The following EPB41L1 variants were observed in gnomAD, a reference collection of about 807,000 sequenced individuals.
EPB41L1 encodes the protein erythrocyte membrane protein band 4.1 like 1, also known as band 4.1-like protein 1.
In EPB41L1, 29 loss-of-function variants were observed where a neutral mutation model predicts 97.8. The observed-to-expected ratio is 0.30, with a 90% CI of 0.22 to 0.40. EPB41L1 has a LOEUF of 0.40. EPB41L1 is among the 10% of genes least tolerant of loss of function. The pLI is 1.00. For missense variants in EPB41L1, 812 were observed against 1,162.3 expected (o/e 0.70, Z 4.38); for synonymous variants, 383 against 459.2 (o/e 0.83, Z 2.12).
At chr20:36,102,449 C>T (rs1269648294) in intron 1 of EPB41L1, among the ~76,000 whole-genome samples, 2 of 152,186 alleles carry the variant, frequency 1.3e-5, no homozygotes, top group African/African-American at 2.4e-5. Context: ...GCTGGTCTCT[C>T]ATGCCTCTCA....
intron 2 of EPB41L1, among the ~76,000 whole-genome samples, chr20:36,134,789 T>G (rs1341887616): frequency 6.6e-6 from 1 of 151,792 alleles, no homozygotes; most frequent in East Asian, 1.9e-4. Flanking sequence ...CACGTCTGTC[T>G]GTGGGAGTCT....
chr20:36,123,916 A>G (rs17362569), intron 2 of EPB41L1, among the ~76,000 whole-genome samples: 4,787 of 152,242 alleles, frequency 0.031, 128 homozygotes, highest in South Asian at 0.15. Flanking sequence ...CTATATTCCC[A>G]AGTCTCCTTT....
At chr20:36,199,425 T>C (rs2062374536) in intron 14 of EPB41L1, among the ~76,000 whole-genome samples, 1 of 152,184 alleles carries the variant, frequency 6.6e-6, no homozygotes, top group African/African-American at 2.4e-5. Context: ...GCTTTGAAAA[T>C]TGGTGATGCA....
chr20:36,165,719 G>A (rs1020498698), intron 1 of EPB41L1, among the ~76,000 whole-genome samples: 11 of 152,172 alleles, frequency 7.2e-5, no homozygotes, highest in Admixed American at 6.6e-4. Context: ...AAAGAAAGAG[G>A]AAGTGACCTG....
At chr20:36,147,077 A>G (rs1278232665) in intron 2 of EPB41L1, among the ~76,000 whole-genome samples, 2 of 151,996 alleles carry the variant, frequency 1.3e-5, no homozygotes, top group Non-Finnish European at 2.9e-5. Flanking sequence ...AGCCCGGGGA[A>G]GTTGAGGCTG....
chr20:36,095,164 G>T (rs1240345198), intron 1 of EPB41L1, among the ~76,000 whole-genome samples: 1 of 152,110 alleles, frequency 6.6e-6, no homozygotes, highest in Admixed American at 6.5e-5. Context: ...TAGGGACAGG[G>T]TTTTGCCATG....
At chr20:36,136,282 C>A (rs1036689174) in intron 2 of EPB41L1, among the ~76,000 whole-genome samples, 1 of 151,646 alleles carries the variant, frequency 6.6e-6, no homozygotes, top group Non-Finnish European at 1.5e-5. Context: ...GCGATCCTCC[C>A]GCCTCAGCCT....
chr20:36,133,717 T>G (rs573477005), intron 2 of EPB41L1, among the ~76,000 whole-genome samples: 11 of 152,118 alleles, frequency 7.2e-5, no homozygotes, highest in Non-Finnish European at 1.6e-4. Context: ...TACCTGGGCG[T>G]GGTGGCATGC....
chr20:36,181,069 C>A (rs1171538315), intron 5 of EPB41L1, among the ~76,000 whole-genome samples: 2 of 152,172 alleles, frequency 1.3e-5, no homozygotes, highest in Non-Finnish European at 2.9e-5. Context: ...CAGTGACTGG[C>A]ATCTAGTAAG....
intron 21 of EPB41L1, among the ~76,000 whole-genome samples, chr20:36,222,676 G>T (rs2063855253): frequency 6.6e-6 from 1 of 152,152 alleles, no homozygotes; most frequent in Non-Finnish European, 1.5e-5. Context: ...TTTTTAAAGG[G>T]AGGGAAATGG....
At chr20:36,155,191 G>A (rs1291051927) in intron 1 of EPB41L1, 1 of 456,410 alleles carries the variant, frequency 2.2e-6, no homozygotes, top group East Asian at 7.0e-5. Context: ...GTCTCTTTTC[G>A]GAGAGCACTC....
rs1372473766 is a variant in EPB41L1 at position 36,195,282 on chromosome 20, C to G, written c.1450-47C>G. ...CATCGTGGTATCTCTAATCCATCTG[C>G]TCTACTGACCCTGCTGCTTTCTTTC... On this transcript the variant is annotated intron_variant, in intron 12 of 21. Transcript: ENST00000338074. This position sits in a 1 kb window ranked among gnomAD's most constrained non-coding sequence, Gnocchi z 4.6. 1 of 1,612,524 alleles carries G rather than the reference C, an allele frequency of 6.2e-7. No homozygotes were observed. The highest frequency in any genetic ancestry group is 1.6e-4 in the Middle Eastern group (1 of 6,062).
rs1454707488 is a variant in EPB41L1, at chr20:36,093,547, G to T, written c.-65+1935G>T. On this transcript the variant is annotated intron_variant, in intron 1 of 19. Transcript: ENST00000202028. This position sits in a 1 kb window ranked among gnomAD's most constrained non-coding sequence, Gnocchi z 5.4. ...GCGGCGGCGGGGGTGTCCCTTCCCCGTCGGGCAGAGACTCCCTGCTGGCAG... is the reference window on the plus strand; with the variant it reads ...GCGGCGGCGGGGGTGTCCCTTCCCCTTCGGGCAGAGACTCCCTGCTGGCAG... Among the ~76,000 whole-genome samples the T allele has an allele frequency of 6.6e-6, 1 of 152,078 alleles. No homozygotes were observed. Among genetic ancestry groups the T allele is most frequent in the East Asian group, 1.9e-4 (1 of 5,152 alleles).
chr20:36,216,898 G>T (rs945502586), intron 17 of EPB41L1, among the ~76,000 whole-genome samples: 3 of 152,150 alleles, frequency 2.0e-5, no homozygotes. Flanking sequence ...GATGTTCAGG[G>T]GACAAGAGGA....
At chr20:36,130,256 G>GT (rs769476046) in intron 2 of EPB41L1, among the ~76,000 whole-genome samples, 29 of 145,722 alleles carry the variant, frequency 2.0e-4, no homozygotes, top group South Asian at 4.4e-4. Context: ...TTTTTTTTTT[G>GT]TTTTTTTTAA....
intron 21 of EPB41L1, among the ~76,000 whole-genome samples, chr20:36,228,352 C>T (rs1457953752): frequency 6.6e-6 from 1 of 152,174 alleles, no homozygotes; most frequent in Non-Finnish European, 1.5e-5. Context: ...TTCAGTTCCT[C>T]CCTATAATGG....
Position 36,232,472 on chromosome 20 carries a change from G to A in EPB41L1, c.*3132G>A. On this transcript the variant is annotated 3_prime_UTR_variant, in exon 22 of 22. Coordinates refer to ENST00000338074, the MANE Select transcript of EPB41L1 (RefSeq NM_012156.2). ...TCTTTTTCTACTTTGCTATCTCATG[G>A]GTCTTCATTTTCTCTTATTTTGTTT... 2.5e-6 allele frequency: 1 copy of A among 397,700 alleles called. No individual in the cohort carries two copies. 24.6% of individuals were successfully genotyped at this position (397,700 alleles called of 1,614,324 possible).
In EPB41L1 at chr20:36,173,859, G is replaced by A; in HGVS notation, c.82G>A (p.Val28Met). The stretch of plus-strand genomic sequence containing the variant: ...GCAGCAGCCCGAGGCTGCTGCCGCT[G>A]TGACCACCCCTGTGACCCCTGCAGG... ...APQQPEAAAAVTTPVTPAGHG... is the reference protein window; with the variant it reads ...APQQPEAAAAMTTPVTPAGHG... Residue 28 changes from valine to methionine, a missense_variant, in exon 2 of 22, where the codon GTG (valine) becomes ATG (methionine). Transcript: ENST00000338074. 1 of 1,613,956 alleles carries A rather than the reference G, an allele frequency of 6.2e-7. No individual in the cohort carries two copies. Among genetic ancestry groups the A allele is most frequent in the Non-Finnish European group, 8.5e-7 (1 of 1,179,910 alleles).
At chr20:36,229,293 TCCCCACC>T in intron 21 of EPB41L1, 32 bp from the exon 22 acceptor site, 13 of 972,742 alleles carry the variant, frequency 1.3e-5, no homozygotes, top group Non-Finnish European at 1.9e-5. Flanking sequence ...TTCCCCCCAC[TCCCCACC>T]CCCCATTCTA....
Sources: allele counts gnomAD v4.1 joint callset (sites outside exome capture counted in the v4.1 genomes callset), GRCh38; gene constraint gnomAD v4.1.1; non-coding constraint Gnocchi (gnomAD v3.1); transcripts MANE v1.5; gene names NCBI Gene and HGNC (gene_info 2026-07-23, HGNC 2026-07-21).